C22orf23: variants seen among roughly 807,000 people sequenced by gnomAD.
C22orf23 encodes chromosome 22 open reading frame 23.
A neutral mutation model predicts 29.7 loss-of-function variants in C22orf23; 30 were observed. That is an observed-to-expected ratio of 1.01 (90% CI 0.76 to 1.37). C22orf23 has a LOEUF of 1.37. C22orf23 is among the 40% of genes most tolerant of loss of function. The probability of loss-of-function intolerance (pLI) is 0.00; values close to 1 mark genes in which losing one functional copy is unlikely to be tolerated. For synonymous variants in C22orf23, 90 were observed against 96.1 expected (o/e 0.94, Z 0.37); for missense variants, 237 against 273.1 (o/e 0.87, Z 0.93).
At chr22:37,953,221 C>A (rs1601857212) in intron 1 of C22orf23, 63 bp from the exon 2 acceptor site, 2 of 1,144,254 alleles carry the variant, frequency 1.7e-6, no homozygotes, top group East Asian at 2.4e-5. Flanking sequence ...TGTTCCCCGA[C>A]GCCCAACACC....
chr22:37,945,855 T>A (rs1235437344), intron 4 of C22orf23, among the ~76,000 whole-genome samples: 2 of 147,368 alleles, frequency 1.4e-5, no homozygotes, highest in African/African-American at 5.0e-5. Flanking sequence ...GGCTCACACC[T>A]GTAATCCTAG....
chr22:37,953,558 G>C lies in C22orf23; in HGVS notation c.-120C>G, dbSNP rs1225113216. Reference sequence around the variant, plus strand: ...CCGGTGCCACGCAGAAATACTGCGCGATCTGGGCTGCTGGAGCTGGCAGCT... The same window carrying C: ...CCGGTGCCACGCAGAAATACTGCGCCATCTGGGCTGCTGGAGCTGGCAGCT... On this transcript the variant is annotated 5_prime_UTR_variant, in exon 1 of 7. The change creates a new upstream start codon in the 5' untranslated region. Transcript: ENST00000403305. 8.6e-6 allele frequency: 5 copies of C among 578,354 alleles called. No homozygotes were observed. The highest frequency in any genetic ancestry group is 1.2e-5 in the Non-Finnish European group (4 of 333,222). 35.8% of individuals were successfully genotyped at this position (578,354 alleles called of 1,614,324 possible). A position where few individuals can be genotyped will look rare whatever the true frequency, so the allele number is the denominator to read the frequency against.
At chr22:37,948,465 A>C (rs1930831992) in intron 3 of C22orf23, among the ~76,000 whole-genome samples, 1 of 150,936 alleles carries the variant, frequency 6.6e-6, no homozygotes, top group South Asian at 2.1e-4. Flanking sequence ...CCCCCAAAAA[A>C]CAAAAATTAG....
intron 4 of C22orf23, among the ~76,000 whole-genome samples, chr22:37,946,238 G>T (rs1405989512): frequency 6.7e-6 from 1 of 149,620 alleles, no homozygotes; most frequent in Non-Finnish European, 1.5e-5. Flanking sequence ...CAGCCTGGGC[G>T]ACAGAGCAAG....
In C22orf23 at chr22:37,943,961, C is replaced by T. The variant is rs543943183; in HGVS notation, c.*214G>A. ...GGGATGCTCGGGCTTTGCTTCTCTG[C>T]GGACGGGGCTGTGAGTCTCAGAGGC... is the stretch of plus-strand genomic sequence containing the variant. On this transcript the variant is annotated 3_prime_UTR_variant, in exon 7 of 7. Coordinates refer to ENST00000403305, the MANE Select transcript of C22orf23 (RefSeq NM_032561.5). 9.6e-5 allele frequency: 58 copies of T among 603,074 alleles called. No homozygotes were observed. The highest frequency in any genetic ancestry group is 1.7e-4 in the East Asian group (6 of 35,950). The allele number at this position is 603,074 out of a possible 1,614,324, so 37.4% of individuals were successfully genotyped here.
chr22:37,948,291 AC>A (rs1310787741), intron 3 of C22orf23, among the ~76,000 whole-genome samples: 1 of 151,942 alleles, frequency 6.6e-6, no homozygotes, highest in Non-Finnish European at 1.5e-5. Flanking sequence ...CTAAAGAAAA[AC>A]AAAAAAAATT....
At chr22:37,946,885 A>AG (rs1471770363) in intron 4 of C22orf23, among the ~76,000 whole-genome samples, 2 of 151,630 alleles carry the variant, frequency 1.3e-5, no homozygotes, top group East Asian at 1.9e-4. Context: ...AAAAAAAAAA[A>AG]AAAAAAAAAG....
Position 37,945,175 on chromosome 22 carries a change from T to C in C22orf23, c.350-2A>G. ...TTTGTTTCTCCTTCTCCAAATCCCC[T>C]GTAGGGCCAAAAAGAAATGGCCTAG... On this transcript the variant is annotated splice_acceptor_variant, in intron 4 of 6. Transcript: ENST00000403305. LOFTEE classifies it high-confidence loss of function. 1.9e-6 allele frequency: 3 copies of C among 1,609,504 alleles called. No homozygotes were observed. Among genetic ancestry groups the C allele is most frequent in the Non-Finnish European group, 2.5e-6 (3 of 1,178,514 alleles).
chr22:37,949,279 C>T (rs537250810), intron 3 of C22orf23, among the ~76,000 whole-genome samples: 9 of 150,236 alleles, frequency 6.0e-5, no homozygotes, highest in Non-Finnish European at 1.0e-4. Flanking sequence ...CAGGTCCCAT[C>T]CATTGTTTTT....
intron 5 of C22orf23, 162 bp from the exon 6 acceptor site, chr22:37,944,679 T>TCACGAG: frequency 1.6e-6 from 1 of 621,778 alleles, no homozygotes; most frequent in Non-Finnish European, 2.8e-6. Flanking sequence ...GGCAGGTGGA[T>TCACGAG]CACGAGGTCA....
chr22:37,944,669 G>A (rs1930587671), intron 5 of C22orf23, 152 bp from the exon 6 acceptor site: 1 of 645,242 alleles, frequency 1.5e-6, no homozygotes, highest in Non-Finnish European at 2.6e-6. Context: ...GGGAGGCCAA[G>A]GCAGGTGGAT....
At chr22:37,946,412 C>T (rs763508453) in intron 4 of C22orf23, among the ~76,000 whole-genome samples, 6 of 151,214 alleles carry the variant, frequency 4.0e-5, no homozygotes, top group Non-Finnish European at 8.8e-5. Flanking sequence ...GGTGACAGCG[C>T]GAGACTCCGT....
intron 4 of C22orf23, among the ~76,000 whole-genome samples, 183 bp downstream of exon 4, chr22:37,947,098 C>G (rs1930741091): frequency 6.6e-6 from 1 of 151,940 alleles, no homozygotes; most frequent in Non-Finnish European, 1.5e-5. Context: ...GACCATCTGA[C>G]TGGTTTCCTC....
In C22orf23 at chr22:37,944,266, A is replaced by G; in HGVS notation, c.583-20T>C. The G allele has an allele frequency of 6.2e-7, 1 of 1,614,220 alleles. No homozygotes were observed. Among genetic ancestry groups the G allele is most frequent in the East Asian group, 2.2e-5 (1 of 44,880 alleles). ...GAGTTTCTGCAAAGGGCATCAGGGAAAGCAGGTGTATCAGGGCTAGGAACC... is the reference window on the plus strand; with the variant it reads ...GAGTTTCTGCAAAGGGCATCAGGGAGAGCAGGTGTATCAGGGCTAGGAACC... On this transcript the variant is annotated intron_variant, in intron 6 of 6. Transcript: ENST00000403305.
Position 37,953,492 on chromosome 22 carries a change from C to A in C22orf23, c.-54G>T, listed in dbSNP as rs1471992672. 1 of 545,128 alleles carries A rather than the reference C, an allele frequency of 1.8e-6. No homozygotes were observed. 33.8% of individuals were successfully genotyped at this position (545,128 alleles called of 1,614,324 possible). On this transcript the variant is annotated 5_prime_UTR_variant, in exon 1 of 7. Coordinates refer to ENST00000403305, the MANE Select transcript of C22orf23 (RefSeq NM_032561.5). ...GCTCCCCTCTCCACATAGAAGTGGGCTCCCGGAGGCGGTGACCACTGCTTT... is the reference window on the plus strand; with the variant it reads ...GCTCCCCTCTCCACATAGAAGTGGGATCCCGGAGGCGGTGACCACTGCTTT...
intron 4 of C22orf23, among the ~76,000 whole-genome samples, chr22:37,945,494 CTTTTT>C (rs369277812): frequency 7.7e-6 from 1 of 129,094 alleles, no homozygotes; most frequent in Admixed American, 7.9e-5. Context: ...TTTTTTTCTT[CTTTTT>C]TTTTTTTTTT....
chr22:37,953,530 G>A lies in C22orf23; in HGVS notation c.-92C>T, dbSNP rs1221503963. ...TGACCACTGCTTTACAGCCGCATCCGCACCGGTGCCACGCAGAAATACTGC... is the reference window on the plus strand; with the variant it reads ...TGACCACTGCTTTACAGCCGCATCCACACCGGTGCCACGCAGAAATACTGC... On this transcript the variant is annotated 5_prime_UTR_variant, in exon 1 of 7. Transcript: ENST00000403305. 10 of 565,454 alleles carry A rather than the reference G, an allele frequency of 1.8e-5. No individual in the cohort carries two copies. Among genetic ancestry groups the A allele is most frequent in the Non-Finnish European group, 2.8e-5 (9 of 322,010 alleles). 35.0% of individuals were successfully genotyped at this position (565,454 alleles called of 1,614,324 possible).
chr22:37,947,148 C>T, intron 4 of C22orf23, 133 bp downstream of exon 4: 1 of 907,974 alleles, frequency 1.1e-6, no homozygotes, highest in Non-Finnish European at 1.7e-6. Context: ...TGCTGAGGCT[C>T]AAGAGCATTG....
intron 3 of C22orf23, among the ~76,000 whole-genome samples, chr22:37,950,771 T>G (rs1930963818): frequency 6.6e-6 from 1 of 151,674 alleles, no homozygotes; most frequent in Admixed American, 6.6e-5. Flanking sequence ...CCGGGCATGG[T>G]GGCGCACGCC....
Sources: gnomAD v4.1 joint callset for allele counts (sites outside exome capture counted in the v4.1 genomes callset) on GRCh38, gnomAD v4.1.1 for gene constraint, MANE v1.5 for transcripts, NCBI Gene and HGNC (gene_info 2026-07-23, HGNC 2026-07-21) for gene names.